RORA: variants seen among roughly 807,000 people sequenced by gnomAD.
RORA encodes RAR related orphan receptor A, also known as nuclear receptor ROR-alpha.
In RORA, 7 loss-of-function variants were observed where a neutral mutation model predicts 69.5. The ratio of observed to expected loss-of-function variants is 0.10; its 90% CI spans 0.06 to 0.19. RORA has a LOEUF of 0.19. Ranked by LOEUF, RORA falls within the 10% of genes least tolerant of loss-of-function variation. The pLI is 1.00. For synonymous variants in RORA, 261 were observed against 240.8 expected (o/e 1.08, Z -0.78); for missense variants, 457 against 663.0 (o/e 0.69, Z 3.41).
chr15:61,069,115 G>T (rs1347221298), intron 1 of RORA, among the ~76,000 whole-genome samples: 2 of 152,190 alleles, frequency 1.3e-5, no homozygotes, highest in Non-Finnish European at 2.9e-5. Flanking sequence ...CTAAAAGCTT[G>T]TATTGTTTAT....
intron 4 of RORA, among the ~76,000 whole-genome samples, chr15:60,512,485 CTA>C (rs2065735003): frequency 6.6e-6 from 1 of 152,096 alleles, no homozygotes; most frequent in Admixed American, 6.5e-5. Context: ...TGGAGTTTCG[CTA>C]TGTTGCCCTG....
At chr15:60,630,015 G>T (rs557644980) in intron 2 of RORA, among the ~76,000 whole-genome samples, 31 of 152,174 alleles carry the variant, frequency 2.0e-4, no homozygotes. Context: ...GAATGACAAA[G>T]ATAAAATGGA....
chr15:60,961,132 T>C (rs754066803), intron 1 of RORA, among the ~76,000 whole-genome samples: 8 of 152,192 alleles, frequency 5.3e-5, no homozygotes, highest in Non-Finnish European at 8.8e-5. Context: ...CTCTGGCCTC[T>C]CACCTGGCCG....
At chr15:61,022,132 C>G (rs1048925979) in intron 1 of RORA, among the ~76,000 whole-genome samples, 2 of 152,168 alleles carry the variant, frequency 1.3e-5, no homozygotes, top group South Asian at 2.1e-4. Context: ...CTAGGTCAAC[C>G]ATTTGCAGGC....
intron 1 of RORA, among the ~76,000 whole-genome samples, chr15:61,012,987 A>T (rs1895138094): frequency 6.6e-6 from 1 of 152,182 alleles, no homozygotes; most frequent in Non-Finnish European, 1.5e-5. Context: ...TCCCAATTTT[A>T]ATTACAATCA....
intron 1 of RORA, among the ~76,000 whole-genome samples, chr15:61,135,726 G>A (rs1487517458): frequency 1.3e-5 from 2 of 152,154 alleles, no homozygotes; most frequent in Non-Finnish European, 2.9e-5. Context: ...CAGGGGTGGT[G>A]AACTAAGAGG....
intron 1 of RORA, among the ~76,000 whole-genome samples, chr15:60,904,431 G>A (rs1285734052): frequency 6.6e-6 from 1 of 152,200 alleles, no homozygotes; most frequent in Non-Finnish European, 1.5e-5. Context: ...GGAGACTGCA[G>A]GCAGAAGTCA....
chr15:60,817,865 T>C (rs1307886711), intron 1 of RORA, among the ~76,000 whole-genome samples: 2 of 152,240 alleles, frequency 1.3e-5, no homozygotes, highest in Non-Finnish European at 2.9e-5. Flanking sequence ...GGGCCCTGGG[T>C]CTGCACACAG....
At chr15:60,984,178 A>G (rs4775342) in intron 1 of RORA, among the ~76,000 whole-genome samples, 32,413 of 152,050 alleles carry the variant, frequency 0.21, 3,706 homozygotes, top group African/African-American at 0.28. Flanking sequence ...ATAAGAACAT[A>G]TAGCACCCCG....
intron 1 of RORA, among the ~76,000 whole-genome samples, chr15:60,774,012 C>G (rs2072120791): frequency 6.6e-6 from 1 of 152,178 alleles, no homozygotes; most frequent in African/African-American, 2.4e-5. Context: ...GTTTGGCTGT[C>G]TGGGGAGGCA....
rs2065121506 is a variant in RORA at position 60,494,576 on chromosome 15, TA to T, written c.*2878del. Reference sequence around the variant, plus strand: ...TTTTCACATCCTTTTCTGAGCTCCATATTTTTTTTAAACTGAATTTATTGTT... The same window carrying T: ...TTTTCACATCCTTTTCTGAGCTCCATTTTTTTTTAAACTGAATTTATTGTT... On this transcript the variant is annotated 3_prime_UTR_variant, in exon 11 of 11. Transcript: ENST00000335670. 7.3e-6 allele frequency: 1 copy of T among 137,500 alleles called. No individual in the cohort carries two copies. Among genetic ancestry groups the T allele is most frequent in the Admixed American group, 7.3e-5 (1 of 13,736 alleles). The allele number at this position is 137,500 out of a possible 1,614,324, so 8.5% of individuals were successfully genotyped here. A position where few individuals can be genotyped will look rare whatever the true frequency, so the allele number is the denominator to read the frequency against.
At chr15:61,195,573 G>A (rs1349577695) in intron 1 of RORA, among the ~76,000 whole-genome samples, 1 of 152,060 alleles carries the variant, frequency 6.6e-6, no homozygotes, top group Non-Finnish European at 1.5e-5. Flanking sequence ...CTTCATCTCT[G>A]TGCTTTGACC....
intron 2 of RORA, among the ~76,000 whole-genome samples, chr15:60,538,057 G>A (rs571297813): frequency 6.6e-6 from 1 of 152,140 alleles, no homozygotes; most frequent in African/African-American, 2.4e-5. Flanking sequence ...GCCTCAGGAG[G>A]GTTAAATGGC....
chr15:60,966,725 A>G (rs965828596), intron 1 of RORA, among the ~76,000 whole-genome samples: 1 of 152,236 alleles, frequency 6.6e-6, no homozygotes, highest in African/African-American at 2.4e-5. Flanking sequence ...TATGTTGTAA[A>G]TATGTTGCAT....
intron 1 of RORA, among the ~76,000 whole-genome samples, chr15:60,980,433 G>A (rs1315732571): frequency 3.3e-5 from 5 of 151,984 alleles, no homozygotes; most frequent in African/African-American, 1.2e-4. Flanking sequence ...TATTTTTTTG[G>A]AAAGATTTTG....
chr15:60,556,218 A>G (rs1402966970), intron 2 of RORA, among the ~76,000 whole-genome samples: 1 of 152,200 alleles, frequency 6.6e-6, no homozygotes, highest in Admixed American at 6.5e-5. Context: ...TGTCTCTCCC[A>G]TCTTTATTTC....
intron 1 of RORA, among the ~76,000 whole-genome samples, chr15:60,906,320 T>C (rs1315993441): frequency 6.6e-6 from 1 of 152,214 alleles, no homozygotes; most frequent in South Asian, 2.1e-4. Flanking sequence ...TGTAACAAAA[T>C]TAACTACCAG....
chr15:60,768,034 C>T (rs952373382), intron 1 of RORA, among the ~76,000 whole-genome samples: 1 of 152,176 alleles, frequency 6.6e-6, no homozygotes, highest in Non-Finnish European at 1.5e-5. Flanking sequence ...GTTTTCCTGG[C>T]TGAATCACAC....
chr15:60,668,793 A>G (rs1297567215), intron 2 of RORA, among the ~76,000 whole-genome samples: 1 of 152,248 alleles, frequency 6.6e-6, no homozygotes, highest in East Asian at 1.9e-4. Context: ...AGCCAATGAA[A>G]ATGCCTCATC....
Sources: gnomAD v4.1 joint callset for allele counts (sites outside exome capture counted in the v4.1 genomes callset) on GRCh38, gnomAD v4.1.1 for gene constraint, MANE v1.5 for transcripts, NCBI Gene and HGNC (gene_info 2026-07-23, HGNC 2026-07-21) for gene names.